The following PTPRG variants were observed in gnomAD, a reference collection of about 807,000 sequenced individuals.
PTPRG encodes the protein receptor-type tyrosine-protein phosphatase gamma.
In PTPRG, 102 loss-of-function variants were observed where a neutral mutation model predicts 165.3. That is an observed-to-expected ratio of 0.62 (90% CI 0.53 to 0.73). The LOEUF (loss-of-function observed/expected upper bound fraction) is 0.73, where lower values mean the gene tolerates loss of function less well. Among genes scored for constraint, PTPRG ranks in the 30% least tolerant of loss-of-function variants. PTPRG has a pLI of 0.00. For synonymous variants in PTPRG, 675 were observed against 669.5 expected (o/e 1.01, Z -0.13); for missense variants, 1,866 against 1,861.4 (o/e 1.00, Z -0.05).
At chr3:61,989,328 A>G (rs2040831116) in intron 2 of PTPRG, among the ~76,000 whole-genome samples, 1 of 152,332 alleles carries the variant, frequency 6.6e-6, no homozygotes, top group South Asian at 2.1e-4. Context: ...AACATTTAAA[A>G]ATTGTCAGAA....
chr3:61,784,333 A>C (rs2034632355), intron 2 of PTPRG, among the ~76,000 whole-genome samples: 1 of 152,180 alleles, frequency 6.6e-6, no homozygotes, highest in Non-Finnish European at 1.5e-5. Context: ...CATTTAACTA[A>C]TGATTTTCCC....
At chr3:61,763,905 A>T (rs2033935549) in intron 2 of PTPRG, among the ~76,000 whole-genome samples, 1 of 152,184 alleles carries the variant, frequency 6.6e-6, no homozygotes, top group Non-Finnish European at 1.5e-5. Context: ...AATTAAAATG[A>T]AATAAAATTT....
chr3:61,671,728 G>C (rs1201542462), intron 1 of PTPRG, among the ~76,000 whole-genome samples: 1 of 145,822 alleles, frequency 6.9e-6, no homozygotes, highest in Non-Finnish European at 1.5e-5. Context: ...GGGCAGAGGC[G>C]CCCCTCACCT....
In PTPRG at chr3:61,760,353, A is replaced by G. The variant is rs531430252; in HGVS notation, c.190+11371A>G. Among the ~76,000 whole-genome samples, 56 of 152,262 alleles carry G rather than the reference A, an allele frequency of 3.7e-4. 1 individual carries two copies. The South Asian group carries it at 0.011, about 31-fold the overall frequency. On this transcript the variant is annotated intron_variant, in intron 2 of 29. Transcript: ENST00000474889. ...AATCTTTAAATAAATACTTGGCCCA[A>G]TCCCTTTTGTTCCCCCTTTCTCGCT...
chr3:61,918,993 G>A (rs2039009970), intron 2 of PTPRG, among the ~76,000 whole-genome samples: 1 of 152,174 alleles, frequency 6.6e-6, no homozygotes, highest in African/African-American at 2.4e-5. Flanking sequence ...GGTGGGACTA[G>A]GCAATCTCTG....
chr3:62,228,513 C>CAAAAAA lies in PTPRG; in HGVS notation c.2289-2705_2289-2700dup, dbSNP rs1277257567. Among the ~76,000 whole-genome samples, 1 of 111,718 alleles carries CAAAAAA rather than the reference C, an allele frequency of 9.0e-6. No individual in the cohort carries two copies. The highest frequency in any genetic ancestry group is 3.4e-5 in the African/African-American group (1 of 29,666). The allele number at this position is 111,718 out of a possible 152,430, so 73.3% of individuals were successfully genotyped here. A position where few individuals can be genotyped will look rare whatever the true frequency, so the allele number is the denominator to read the frequency against. On this transcript the variant is annotated intron_variant, in intron 13 of 29. Transcript: ENST00000474889. The surrounding 1 kb of genome is among the most constrained non-coding windows in gnomAD (Gnocchi z 4.1). ...TGGGCAACAGAGCAAAACTCCATCTCAAAAAAAAAAAAGAAAGAAAGAAAA... is the reference window on the plus strand; with the variant it reads ...TGGGCAACAGAGCAAAACTCCATCTCAAAAAAAAAAAAAAAAAAGAAAGAAAGAAAA...
intron 2 of PTPRG, among the ~76,000 whole-genome samples, chr3:61,933,292 A>G (rs537430366): frequency 2.0e-5 from 3 of 152,312 alleles, no homozygotes; most frequent in Admixed American, 6.5e-5. Context: ...CTCTGCAGTA[A>G]GAGTGCTGAT....
chr3:62,144,337 G>C (rs1259603372), intron 6 of PTPRG, among the ~76,000 whole-genome samples: 1 of 152,184 alleles, frequency 6.6e-6, no homozygotes, highest in East Asian at 1.9e-4. Context: ...GCTTTACAGA[G>C]ATAGGTTTCA....
chr3:61,848,012 C>T (rs1046059087), intron 2 of PTPRG, among the ~76,000 whole-genome samples: 1 of 152,204 alleles, frequency 6.6e-6, no homozygotes, highest in Non-Finnish European at 1.5e-5. Flanking sequence ...TGTCCCCTGC[C>T]ATGAGCTGTA....
At chr3:62,200,208 T>G (rs1192215731) in intron 10 of PTPRG, among the ~76,000 whole-genome samples, 1 of 152,232 alleles carries the variant, frequency 6.6e-6, no homozygotes, top group African/African-American at 2.4e-5. Flanking sequence ...TTAACACTAC[T>G]GAACCATACA....
At chr3:62,289,439 A>G (rs1702791175) in intron 28 of PTPRG, among the ~76,000 whole-genome samples, 1 of 152,222 alleles carries the variant, frequency 6.6e-6, no homozygotes, top group South Asian at 2.1e-4. Context: ...AACAAGGCTT[A>G]GCACCAGAAT....
chr3:61,716,817 C>T (rs543178666), intron 1 of PTPRG, among the ~76,000 whole-genome samples: 1 of 152,156 alleles, frequency 6.6e-6, no homozygotes, highest in East Asian at 1.9e-4. Flanking sequence ...CTAAAAACTA[C>T]AAAAATTAGC....
chr3:62,045,164 A>G (rs549179673), intron 4 of PTPRG, among the ~76,000 whole-genome samples: 1 of 152,270 alleles, frequency 6.6e-6, no homozygotes, highest in South Asian at 2.1e-4. Flanking sequence ...TGCTTTTCAG[A>G]TGATGCAAAC....
chr3:61,887,119 CATGCATATATAT>C (rs1423044935), intron 2 of PTPRG, among the ~76,000 whole-genome samples: 2,722 of 103,276 alleles, frequency 0.026, 213 homozygotes, highest in African/African-American at 0.05. Flanking sequence ...ATAACCATAG[CATGCATATATAT>C]ATATATATAT....
chr3:61,675,379 T>C (rs1206621786), intron 1 of PTPRG, among the ~76,000 whole-genome samples: 1 of 152,212 alleles, frequency 6.6e-6, no homozygotes, highest in African/African-American at 2.4e-5. Flanking sequence ...GTTTCATTTA[T>C]GATACTAAAT....
intron 2 of PTPRG, among the ~76,000 whole-genome samples, chr3:61,872,155 C>T (rs926440511): frequency 1.3e-5 from 2 of 152,160 alleles, no homozygotes; most frequent in African/African-American, 2.4e-5. Context: ...TTGAAAGTAA[C>T]GTGTACTTTC....
At chr3:61,990,559 G>T (rs2040859892) in intron 3 of PTPRG, among the ~76,000 whole-genome samples, 1 of 152,142 alleles carries the variant, frequency 6.6e-6, no homozygotes, top group African/African-American at 2.4e-5. Context: ...GATTGTCCTT[G>T]TAAGTACCAG....
chr3:61,809,166 G>T (rs2035501201), intron 2 of PTPRG, among the ~76,000 whole-genome samples: 1 of 150,728 alleles, frequency 6.6e-6, no homozygotes, highest in South Asian at 2.1e-4. Flanking sequence ...TTATCACGGT[G>T]GGGGAGGTTA....
rs1006754482 is a variant in PTPRG, at chr3:62,190,562, A to C, written c.1034-907A>C. On this transcript the variant is annotated intron_variant, in intron 8 of 29. Coordinates refer to ENST00000474889, the MANE Select transcript of PTPRG (RefSeq NM_002841.4). The surrounding 1 kb of genome is among the most constrained non-coding windows in gnomAD (Gnocchi z 5.2). ...AACCTCTCAGCCCCAAGGAATAAGAAGATGAATGAGCCTGACTTTTCCTTA... is the reference window on the plus strand; with the variant it reads ...AACCTCTCAGCCCCAAGGAATAAGACGATGAATGAGCCTGACTTTTCCTTA... Among the ~76,000 whole-genome samples the C allele has an allele frequency of 2.0e-4, 31 of 152,276 alleles. No homozygotes were observed. Among genetic ancestry groups the C allele is most frequent in the African/African-American group, 7.2e-4 (30 of 41,508 alleles).
Sources: allele counts gnomAD v4.1 joint callset (sites outside exome capture counted in the v4.1 genomes callset), GRCh38; gene constraint gnomAD v4.1.1; non-coding constraint Gnocchi (gnomAD v3.1); transcripts MANE v1.5; gene names NCBI Gene and HGNC (gene_info 2026-07-23, HGNC 2026-07-21).